SYAP1: variants seen among roughly 807,000 people sequenced by gnomAD.
SYAP1 encodes synapse-associated protein 1.
In SYAP1, 3 loss-of-function variants were observed where a neutral mutation model predicts 29.6. The observed-to-expected ratio is 0.10, with a 90% CI of 0.05 to 0.26. The LOEUF (loss-of-function observed/expected upper bound fraction) is 0.26. SYAP1 is among the 10% of genes least tolerant of loss of function. SYAP1 has a pLI of 1.00. For missense variants in SYAP1, 217 were observed against 264.1 expected (o/e 0.82, Z 1.24); for synonymous variants, 102 against 102.7 (o/e 0.99, Z 0.04).
intron 2 of SYAP1, 70 bp downstream of exon 2, chrX:16,735,415 C>A: frequency 1.5e-6 from 1 of 681,862 alleles, no homozygotes; most frequent in Non-Finnish European, 2.2e-6. Flanking sequence ...GTTTCTTCTT[C>A]TTATGAACAT....
At position 16,736,152 on chromosome X, in the gene SYAP1, AT is replaced by A. The variant is rs747344997; in HGVS notation, c.295-6del. On this transcript the variant is annotated splice_polypyrimidine_tract_variant and intron_variant, in intron 2 of 8. Coordinates refer to ENST00000380155, the MANE Select transcript of SYAP1 (RefSeq NM_032796.4). The stretch of plus-strand genomic sequence containing the variant: ...ACATTGCTATTTAATTTGACTATGT[AT>A]TTTTTTTAACAGACAATTATAGGAG... The A allele has an allele frequency of 2.2e-4, 242 of 1,079,074 alleles. 1 individual carries two copies. Among genetic ancestry groups the A allele is most frequent in the Non-Finnish European group, 2.6e-4 (203 of 778,529 alleles). 88.9% of individuals were successfully genotyped at this position (1,079,074 alleles called of 1,213,427 possible). A position where few individuals can be genotyped will look rare whatever the true frequency, so the allele number is the denominator to read the frequency against.
At chrX:16,752,383 ATTAT>A (rs1926755091) in intron 5 of SYAP1, among the ~76,000 whole-genome samples, 1 of 104,572 alleles carries the variant, frequency 9.6e-6, no homozygotes, top group African/African-American at 3.4e-5. Flanking sequence ...TATTATTATT[ATTAT>A]TATTATTATT....
In SYAP1 at chrX:16,719,893, T is replaced by A. The variant is rs1925917549; in HGVS notation, c.169T>A (p.Phe57Ile). 2 of 1,183,518 alleles carry A rather than the reference T, an allele frequency of 1.7e-6. No homozygotes were observed. Among genetic ancestry groups the A allele is most frequent in the Non-Finnish European group, 2.3e-6 (2 of 881,544 alleles). ...GGAGCTCCTCCACCAGGCCAAAGAC[T>A]TCGGCAGTGAGTCTACCCTGGCTCT... ...DQELLHQAKD[F>I]GNYLFNFASA... Residue 57 changes from phenylalanine to isoleucine, a missense_variant, in exon 1 of 9, where the codon TTC (phenylalanine) becomes ATC (isoleucine). Physicochemically the swap from Phe to Ile is conservative, Grantham distance 21. Coordinates refer to ENST00000380155, the MANE Select transcript of SYAP1 (RefSeq NM_032796.4).
At chrX:16,722,849 C>T (rs1470217530) in intron 1 of SYAP1, among the ~76,000 whole-genome samples, 3 of 112,212 alleles carry the variant, frequency 2.7e-5, no homozygotes, top group East Asian at 5.6e-4. Flanking sequence ...GGCCCCATGC[C>T]GTTAAGTTGG....
intron 3 of SYAP1, among the ~76,000 whole-genome samples, chrX:16,740,277 C>T (rs1238119161): frequency 2.7e-5 from 3 of 109,785 alleles, no homozygotes; most frequent in African/African-American, 1.0e-4. Flanking sequence ...CAGCATTTAG[C>T]TTCTAACGGC....
At chrX:16,728,963 C>T (rs1926141660) in intron 1 of SYAP1, among the ~76,000 whole-genome samples, 2 of 105,974 alleles carry the variant, frequency 1.9e-5, no homozygotes, top group Admixed American at 1.0e-4. Context: ...TGCTTCAACC[C>T]GGGAGGCAGA....
At chrX:16,745,279 C>T (rs1219088435) in intron 5 of SYAP1, among the ~76,000 whole-genome samples, 4 of 111,728 alleles carry the variant, frequency 3.6e-5, no homozygotes, top group Admixed American at 9.5e-5. Context: ...TGATGTCACA[C>T]CCCCAGTCTC....
chrX:16,752,965 G>A (rs1047490889), intron 5 of SYAP1, among the ~76,000 whole-genome samples: 25 of 111,016 alleles, frequency 2.3e-4, no homozygotes, highest in African/African-American at 7.5e-4. Flanking sequence ...TTTGAGGCCA[G>A]GCATGGTGGC....
intron 5 of SYAP1, among the ~76,000 whole-genome samples, chrX:16,748,516 G>A (rs1394833600): frequency 8.9e-6 from 1 of 111,820 alleles, no homozygotes; most frequent in African/African-American, 3.3e-5. Flanking sequence ...CCTTCCCTGT[G>A]GTAGTCTAAT....
At chrX:16,736,506 T>TGA in intron 3 of SYAP1, 2 of 236,409 alleles carry the variant, frequency 8.5e-6, no homozygotes, top group Non-Finnish European at 1.5e-5. Flanking sequence ...GACTTTCTCT[T>TGA]TTCTTTTCCC....
chrX:16,735,008 A>AC (rs1926295251), intron 1 of SYAP1, among the ~76,000 whole-genome samples: 1 of 106,263 alleles, frequency 9.4e-6, no homozygotes, highest in African/African-American at 3.4e-5. Flanking sequence ...AAAAAAAAAA[A>AC]AAAAAAAAAA....
chrX:16,742,520 T>C (rs889541010), intron 4 of SYAP1, among the ~76,000 whole-genome samples: 1 of 112,125 alleles, frequency 8.9e-6, no homozygotes, highest in African/African-American at 3.2e-5. Flanking sequence ...GCTCCTGACC[T>C]CAAGCAGTCC....
Position 16,739,302 on chromosome X carries a change from A to G in SYAP1, c.362-2414A>G, listed in dbSNP as rs777347268. Among the ~76,000 whole-genome samples the G allele has an allele frequency of 1.0e-4, 11 of 109,988 alleles. No individual in the cohort carries two copies. The South Asian group carries it at 3.2e-3, about 32-fold the overall frequency. On this transcript the variant is annotated intron_variant, in intron 3 of 8. Transcript: ENST00000380155. The stretch of plus-strand genomic sequence containing the variant: ...TGCCTATCCATCCCTGTGTCCATCC[A>G]CACATGCATGTAACTTTTCTCTCAG...
intron 5 of SYAP1, among the ~76,000 whole-genome samples, chrX:16,753,369 A>C (rs1926778061): frequency 9.1e-6 from 1 of 109,968 alleles, no homozygotes; most frequent in South Asian, 3.9e-4. Context: ...AGCCATGTTC[A>C]CACCACTGCA....
chrX:16,732,828 G>T (rs772415301), intron 1 of SYAP1, among the ~76,000 whole-genome samples: 1 of 112,059 alleles, frequency 8.9e-6, no homozygotes, highest in African/African-American at 3.2e-5. Flanking sequence ...CTGGTCATCC[G>T]CTGGGGATAC....
chrX:16,736,282 T>C, intron 3 of SYAP1, 50 bp downstream of exon 3: 1 of 858,420 alleles, frequency 1.2e-6, no homozygotes, highest in Non-Finnish European at 1.7e-6. Context: ...ATTGAGCACC[T>C]GTTATGTGCT....
intron 5 of SYAP1, among the ~76,000 whole-genome samples, chrX:16,745,340 A>G (rs1174145727): frequency 2.7e-5 from 3 of 111,803 alleles, no homozygotes; most frequent in Non-Finnish European, 3.8e-5. Context: ...CCCTCCCCAC[A>G]TGGGCAGAGC....
At chrX:16,733,128 C>T (rs1285562551) in intron 1 of SYAP1, among the ~76,000 whole-genome samples, 1 of 110,922 alleles carries the variant, frequency 9.0e-6, no homozygotes, top group East Asian at 2.8e-4. Flanking sequence ...AAGGAGGCCT[C>T]CTTGGAGGTA....
chrX:16,719,932 G>C (rs765805773), intron 1 of SYAP1, 33 bp downstream of exon 1: 8 of 1,153,438 alleles, frequency 6.9e-6, no homozygotes, highest in Admixed American at 2.8e-5. Context: ...ACCGGGAAGG[G>C]GGGGGCGCAT....
Sources: gnomAD v4.1 joint callset for allele counts (sites outside exome capture counted in the v4.1 genomes callset) on GRCh38, gnomAD v4.1.1 for gene constraint, MANE v1.5 for transcripts, NCBI Gene and HGNC (gene_info 2026-07-23, HGNC 2026-07-21) for gene names.